The following LOC128125817 variants were observed in gnomAD, a reference collection of about 807,000 sequenced individuals.
the LOC128125817 span, among the ~76,000 whole-genome samples, chr1:41,614,073 G>A: frequency 6.6e-6 from 1 of 152,234 alleles, no homozygotes. Context: ...TGAGCCATCA[G>A]GGCAGTGTGG....
chr1:41,626,473 G>A, the LOC128125817 span, among the ~76,000 whole-genome samples: 1 of 152,166 alleles, frequency 6.6e-6, no homozygotes, highest in Admixed American at 6.5e-5. Flanking sequence ...AGCCCACACG[G>A]ACAAACAAAG....
chr1:41,625,188 AAAAAG>A, the LOC128125817 span, among the ~76,000 whole-genome samples: 2 of 127,316 alleles, frequency 1.6e-5, no homozygotes, highest in Middle Eastern at 3.7e-3. Flanking sequence ...AAAAAAAAAA[AAAAAG>A]AATTCCTTAA....
At chr1:41,586,024 G>T in the LOC128125817 span, among the ~76,000 whole-genome samples, 72 of 152,240 alleles carry the variant, frequency 4.7e-4, no homozygotes, top group Non-Finnish European at 8.1e-4. Flanking sequence ...CAGCCTGTGA[G>T]AACTTACAAT....
the LOC128125817 span, among the ~76,000 whole-genome samples, chr1:41,599,917 G>A: frequency 6.6e-6 from 1 of 152,142 alleles, no homozygotes; most frequent in East Asian, 1.9e-4. Context: ...GACTTGAAGA[G>A]ACGTTTCTCC....
chr1:41,600,972 T>C, the LOC128125817 span, among the ~76,000 whole-genome samples: 8,295 of 152,254 alleles, frequency 0.054, 280 homozygotes, highest in East Asian at 0.099. Context: ...TTCTTTTGCA[T>C]ATGAATATCC....
chr1:41,603,526 A>C, the LOC128125817 span, among the ~76,000 whole-genome samples: 1 of 149,772 alleles, frequency 6.7e-6, no homozygotes, highest in Non-Finnish European at 1.5e-5. Flanking sequence ...TGCCCATCTA[A>C]TTTTTGTATT....
At chr1:41,622,706 A>G in the LOC128125817 span, among the ~76,000 whole-genome samples, 1 of 152,198 alleles carries the variant, frequency 6.6e-6, no homozygotes, top group South Asian at 2.1e-4. Context: ...AGCAGCAGAT[A>G]GCAGGGTCAG....
chr1:41,608,917 C>CAAAAAAA, the LOC128125817 span, among the ~76,000 whole-genome samples: 2 of 123,548 alleles, frequency 1.6e-5, no homozygotes, highest in African/African-American at 5.9e-5. Context: ...CTAAAAATAC[C>CAAAAAAA]AAAAAAAAAA....
chr1:41,605,109 A>T, the LOC128125817 span, among the ~76,000 whole-genome samples: 2 of 37,406 alleles, frequency 5.3e-5, no homozygotes, highest in Non-Finnish European at 1.9e-4. Flanking sequence ...TGTCTCCAAT[A>T]AAAAAAAAAA....
At chr1:41,590,952 AGCC>A in the LOC128125817 span, among the ~76,000 whole-genome samples, 3 of 152,260 alleles carry the variant, frequency 2.0e-5, no homozygotes, top group African/African-American at 7.2e-5. Flanking sequence ...CACCCCTCTA[AGCC>A]TTAGTCTCCC....
At chr1:41,607,668 GT>G in the LOC128125817 span, among the ~76,000 whole-genome samples, 260 of 151,070 alleles carry the variant, frequency 1.7e-3, no homozygotes, top group Admixed American at 3.2e-3. Flanking sequence ...GGTGATTTTG[GT>G]TATCCAATAT....
the LOC128125817 span, among the ~76,000 whole-genome samples, chr1:41,586,194 C>G: frequency 8.5e-5 from 13 of 152,194 alleles, no homozygotes; most frequent in Admixed American, 8.5e-4. Context: ...CAAAGTTGGT[C>G]TGCATATAGC....
At chr1:41,609,076 G>A in the LOC128125817 span, among the ~76,000 whole-genome samples, 36 of 151,144 alleles carry the variant, frequency 2.4e-4, no homozygotes, top group Non-Finnish European at 4.7e-4. Context: ...AAAAAAAAAC[G>A]GTTTTCACTG....
At chr1:41,620,653 T>C in the LOC128125817 span, among the ~76,000 whole-genome samples, 2 of 152,104 alleles carry the variant, frequency 1.3e-5, no homozygotes, top group Non-Finnish European at 2.9e-5. Flanking sequence ...TTCCAGCAGC[T>C]CTCACATTCA....
chr1:41,593,188 T>C, the LOC128125817 span, among the ~76,000 whole-genome samples: 1 of 152,142 alleles, frequency 6.6e-6, no homozygotes, highest in East Asian at 1.9e-4. Context: ...CACTGCAGAA[T>C]TGTACCATCC....
chr1:41,620,828 A>G, the LOC128125817 span, among the ~76,000 whole-genome samples: 1 of 152,024 alleles, frequency 6.6e-6, no homozygotes, highest in African/African-American at 2.4e-5. Flanking sequence ...GCAAACAGAA[A>G]CCCTGATTGG....
chr1:41,592,651 T>G, the LOC128125817 span, among the ~76,000 whole-genome samples: 1 of 152,318 alleles, frequency 6.6e-6, no homozygotes, highest in East Asian at 1.9e-4. Flanking sequence ...CCTCTTGGCT[T>G]CTCTGGGGGA....
At chr1:41,600,871 A>C in the LOC128125817 span, among the ~76,000 whole-genome samples, 1 of 152,146 alleles carries the variant, frequency 6.6e-6, no homozygotes, top group South Asian at 2.1e-4. Context: ...TAGGTTTTAC[A>C]TCCAAGTCTT....
the LOC128125817 span, among the ~76,000 whole-genome samples, chr1:41,626,156 C>T: frequency 1.4e-3 from 207 of 152,332 alleles, 1 homozygote; most frequent in African/African-American, 4.3e-3. Context: ...TGTGCCCAAG[C>T]CTCTGATGGT....
Sources: gnomAD v4.1 joint callset for allele counts (sites outside exome capture counted in the v4.1 genomes callset) on GRCh38, gnomAD v4.1.1 for gene constraint, MANE v1.5 for transcripts.